CACNA2D1: variants seen among roughly 807,000 people sequenced by gnomAD.
CACNA2D1 encodes the protein calcium voltage-gated channel auxiliary subunit alpha2delta 1.
Under a neutral mutation model 171.5 loss-of-function variants are expected in CACNA2D1, and 53 were observed. The observed-to-expected ratio is 0.31, with a 90% CI of 0.25 to 0.39. The LOEUF (loss-of-function observed/expected upper bound fraction) is 0.39, where lower values mean the gene tolerates loss of function less well. Ranked by LOEUF, CACNA2D1 falls within the 10% of genes least tolerant of loss-of-function variation. CACNA2D1 has a pLI of 1.00. For synonymous variants in CACNA2D1, 442 were observed against 443.1 expected (o/e 1.00, Z 0.03); for missense variants, 903 against 1,299.8 (o/e 0.69, Z 4.69).
intron 3 of CACNA2D1, among the ~76,000 whole-genome samples, chr7:82,221,416 T>C (rs758181450): frequency 1.3e-5 from 2 of 152,182 alleles, no homozygotes; most frequent in African/African-American, 2.4e-5. Context: ...TACAGTAGAT[T>C]CTCTAATTCC....
At chr7:82,158,429 CT>C (rs940709644) in intron 4 of CACNA2D1, among the ~76,000 whole-genome samples, 2 of 151,210 alleles carry the variant, frequency 1.3e-5, no homozygotes, top group Non-Finnish European at 3.0e-5. Context: ...TGCTATATAC[CT>C]TGCAGATTCC....
rs557713762 is a variant in CACNA2D1, at chr7:82,277,737, A to C, written c.294+57398T>G. Among the ~76,000 whole-genome samples the C allele has an allele frequency of 1.1e-4, 16 of 141,420 alleles. No individual in the cohort carries two copies. The South Asian group carries it at 3.6e-3, about 32-fold the overall frequency. The allele number at this position is 141,420 out of a possible 152,430, so 92.8% of individuals were successfully genotyped here. On this transcript the variant is annotated intron_variant, in intron 3 of 38. Coordinates refer to ENST00000356860, the MANE Select transcript of CACNA2D1 (RefSeq NM_000722.4). ...AAAAAAATGCATATTTGATTTTTTA[A>C]TTTTTTACTTTTATTTTTTTTTTTT...
chr7:81,952,513 C>A (rs924375442), intron 38 of CACNA2D1, among the ~76,000 whole-genome samples: 9 of 152,092 alleles, frequency 5.9e-5, no homozygotes, highest in Admixed American at 2.0e-4. Flanking sequence ...ATAATCAATT[C>A]TTAGTCTTCA....
At chr7:82,287,187 T>C (rs541351895) in intron 3 of CACNA2D1, among the ~76,000 whole-genome samples, 41 of 152,314 alleles carry the variant, frequency 2.7e-4, no homozygotes, top group African/African-American at 9.1e-4. Flanking sequence ...TCAAGTCTAA[T>C]TGCACAGTCC....
At chr7:82,145,246 A>G (rs916567075) in intron 4 of CACNA2D1, among the ~76,000 whole-genome samples, 2 of 146,336 alleles carry the variant, frequency 1.4e-5, no homozygotes, top group African/African-American at 4.9e-5. Flanking sequence ...TAAATTATAT[A>G]AATATATAAA....
intron 3 of CACNA2D1, among the ~76,000 whole-genome samples, chr7:82,188,926 C>T (rs1585047155): frequency 6.6e-6 from 1 of 152,024 alleles, no homozygotes; most frequent in East Asian, 1.9e-4. Flanking sequence ...AACAGAAAAC[C>T]AAATACCACA....
At chr7:82,420,086 T>G (rs555370837) in intron 1 of CACNA2D1, among the ~76,000 whole-genome samples, 4 of 152,194 alleles carry the variant, frequency 2.6e-5, no homozygotes, top group Non-Finnish European at 5.9e-5. Flanking sequence ...AAATTCTGCC[T>G]TAGGTTATGT....
intron 27 of CACNA2D1, 60 bp downstream of exon 27, chr7:81,970,615 C>T (rs1276210219): frequency 1.1e-6 from 1 of 909,992 alleles, no homozygotes; most frequent in South Asian, 1.3e-5. Flanking sequence ...CAGTAATGTA[C>T]AAATCCTTGG....
chr7:82,264,388 T>C, intron 3 of CACNA2D1, among the ~76,000 whole-genome samples: 1 of 151,986 alleles, frequency 6.6e-6, no homozygotes, highest in East Asian at 1.9e-4. Context: ...GATACTCACT[T>C]ATGTTTGCTT....
chr7:82,229,670 T>C (rs1040668220), intron 3 of CACNA2D1, among the ~76,000 whole-genome samples: 1 of 121,380 alleles, frequency 8.2e-6, no homozygotes, highest in African/African-American at 2.6e-5. Flanking sequence ...CCCACACTTC[T>C]GGTTTACTTT....
chr7:82,385,292 A>G (rs1824206624), intron 1 of CACNA2D1, among the ~76,000 whole-genome samples: 1 of 152,240 alleles, frequency 6.6e-6, no homozygotes, highest in African/African-American at 2.4e-5. Flanking sequence ...ATAACTTACT[A>G]CAGAAGGAAT....
At chr7:81,962,856 T>G (rs1269932742) in intron 34 of CACNA2D1, among the ~76,000 whole-genome samples, 1 of 152,040 alleles carries the variant, frequency 6.6e-6, no homozygotes, top group African/African-American at 2.4e-5. Context: ...AAACCATTTG[T>G]TTTTTGGGTT....
At chr7:82,232,788 C>T (rs554273553) in intron 3 of CACNA2D1, among the ~76,000 whole-genome samples, 3 of 130,806 alleles carry the variant, frequency 2.3e-5, no homozygotes, top group Non-Finnish European at 3.1e-5. Context: ...TGCTTGAATC[C>T]GGGAGGCAGA....
chr7:82,217,394 C>CATAT lies in CACNA2D1; in HGVS notation c.295-46789_295-46786dup, dbSNP rs6150191. On this transcript the variant is annotated intron_variant, in intron 3 of 38. Coordinates refer to ENST00000356860, the MANE Select transcript of CACNA2D1 (RefSeq NM_000722.4). ...ACACACATATACACACACACACATA[C>CATAT]ATATATATATATATATATATATATA... is the stretch of plus-strand genomic sequence containing the variant. Among the ~76,000 whole-genome samples the CATAT allele has an allele frequency of 4.2e-3, 433 of 102,488 alleles. 21 individuals carry two copies. The highest frequency in any genetic ancestry group is 0.02 in the East Asian group (87 of 4,312). 67.2% of individuals were successfully genotyped at this position (102,488 alleles called of 152,430 possible).
intron 1 of CACNA2D1, among the ~76,000 whole-genome samples, chr7:82,426,283 G>T (rs1304995173): frequency 6.6e-6 from 1 of 151,158 alleles, no homozygotes; most frequent in East Asian, 1.9e-4. Flanking sequence ...TTGTATCCAC[G>T]TTGAGGATCT....
chr7:81,962,951 T>TC (rs1794316631), intron 34 of CACNA2D1, among the ~76,000 whole-genome samples: 8 of 152,066 alleles, frequency 5.3e-5, no homozygotes, highest in Admixed American at 5.3e-4. Context: ...TAGAATATAT[T>TC]TGTAAATATG....
chr7:81,951,192 C>T (rs1011633333), intron 38 of CACNA2D1, among the ~76,000 whole-genome samples: 4 of 152,056 alleles, frequency 2.6e-5, no homozygotes, highest in African/African-American at 4.8e-5. Flanking sequence ...AATATACTCC[C>T]ATTAACTCCC....
intron 1 of CACNA2D1, among the ~76,000 whole-genome samples, chr7:82,438,914 T>A (rs1368909396): frequency 3.3e-5 from 5 of 152,222 alleles, no homozygotes; most frequent in Admixed American, 3.3e-4. Flanking sequence ...ATACTGAAAT[T>A]CTGATTTTTT....
chr7:82,007,105 A>T (rs1254182635), intron 16 of CACNA2D1, among the ~76,000 whole-genome samples: 1 of 152,164 alleles, frequency 6.6e-6, no homozygotes, highest in Non-Finnish European at 1.5e-5. Context: ...ACTTTTAAAT[A>T]GGCATTTTAC....
Sources: allele counts gnomAD v4.1 joint callset (sites outside exome capture counted in the v4.1 genomes callset), GRCh38; gene constraint gnomAD v4.1.1; transcripts MANE v1.5; gene names NCBI Gene and HGNC (gene_info 2026-07-23, HGNC 2026-07-21).